Variants in DPP6 observed in about 807,000 individuals in gnomAD.
The protein encoded by DPP6 is A-type potassium channel modulatory protein DPP6.
A neutral mutation model predicts 122.6 loss-of-function variants in DPP6; 69 were observed. The observed-to-expected ratio is 0.56, with a 90% CI of 0.46 to 0.69. DPP6 has a LOEUF of 0.69. Ranked by LOEUF, DPP6 falls within the 30% of genes least tolerant of loss-of-function variation. The pLI, the probability that DPP6 is intolerant of heterozygous loss-of-function variation, is 0.00. For synonymous variants in DPP6, 418 were observed against 433.1 expected, an observed-to-expected ratio of 0.97 and a Z score of 0.43; for missense variants, 928 against 1,116.9, an observed-to-expected ratio of 0.83 and a Z score of 2.41.
chr7:154,060,429 G>A (rs1217666808), intron 1 of DPP6, among the ~76,000 whole-genome samples: 4 of 136,098 alleles, frequency 2.9e-5, no homozygotes, highest in Non-Finnish European at 4.7e-5. Context: ...CACCCCCCGC[G>A]AGGCGGGGAC....
At position 154,052,585 on chromosome 7, in the gene DPP6, G is replaced by C; in HGVS notation, c.-236G>C. The C allele has an allele frequency of 8.3e-7, 1 of 1,201,370 alleles. No homozygotes were observed. Among genetic ancestry groups the C allele is most frequent in the East Asian group, 4.3e-5 (1 of 23,040 alleles). The allele number at this position is 1,201,370 out of a possible 1,614,324, so 74.4% of individuals were successfully genotyped here. A position where few individuals can be genotyped will look rare whatever the true frequency, so the allele number is the denominator to read the frequency against. On this transcript the variant is annotated 5_prime_UTR_variant, in exon 1 of 26. Coordinates refer to ENST00000377770, the MANE Select transcript of DPP6 (RefSeq NM_130797.4). The surrounding 1 kb of genome is among the most constrained non-coding windows in gnomAD (Gnocchi z 4.8). ...AGCACAGCCAGAGCCCCGGCTTCGC[G>C]AGCCGCCGGGGAGGGGGCGGAGGAG...
chr7:154,553,690 A>G (rs954409813), intron 4 of DPP6, among the ~76,000 whole-genome samples: 1 of 152,184 alleles, frequency 6.6e-6, no homozygotes, highest in Non-Finnish European at 1.5e-5. Context: ...TCTAGACTGC[A>G]TACATAATCC....
At chr7:154,318,166 A>G (rs1478667326) in intron 1 of DPP6, among the ~76,000 whole-genome samples, 1 of 152,240 alleles carries the variant, frequency 6.6e-6, no homozygotes, top group African/African-American at 2.4e-5. Context: ...CTGTGAGGGA[A>G]TCCTCACTTC....
chr7:154,196,430 C>T (rs767894158), intron 1 of DPP6, among the ~76,000 whole-genome samples: 2 of 152,176 alleles, frequency 1.3e-5, no homozygotes, highest in African/African-American at 4.8e-5. Context: ...GTGGAGGTTG[C>T]AGTGAGCTGA....
intron 3 of DPP6, among the ~76,000 whole-genome samples, chr7:154,497,068 A>ACTAGT (rs531690417): frequency 6.6e-6 from 1 of 152,098 alleles, no homozygotes; most frequent in African/African-American, 2.4e-5. Context: ...CCCTCCCCCC[A>ACTAGT]TGAACCATTG....
the DPP6 span, among the ~76,000 whole-genome samples, chr7:153,808,145 G>C: frequency 3.3e-5 from 5 of 152,228 alleles, no homozygotes; most frequent in East Asian, 5.8e-4. Context: ...TGATCACCAC[G>C]ATCAAGCTAA....
chr7:153,871,018 C>G, the DPP6 span, among the ~76,000 whole-genome samples: 1 of 152,296 alleles, frequency 6.6e-6, no homozygotes, highest in South Asian at 2.1e-4. Context: ...GAAGTTTTGT[C>G]TCAGAGGAGT....
Position 154,044,842 on chromosome 7 carries a change from A to T in DPP6, c.51+157108A>T, listed in dbSNP as rs552850243. Among the ~76,000 whole-genome samples the T allele has an allele frequency of 2.6e-4, 40 of 152,330 alleles. No homozygotes were observed. The South Asian group carries it at 7.9e-3, about 30-fold the overall frequency. ...ATTTTTTTATTGCATTGAAAAAGCA[A>T]TGAGTCCAAACTAGAGGCACGGAAG... On this transcript the variant is annotated intron_variant, in intron 1 of 25. Transcript: ENST00000404039.
chr7:153,924,131 T>TA (rs1197751139), intron 1 of DPP6, among the ~76,000 whole-genome samples: 10,734 of 150,906 alleles, frequency 0.071, 402 homozygotes, highest in African/African-American at 0.088. Flanking sequence ...TTTTTTTTTT[T>TA]TTCGAGACGG....
chr7:153,837,682 T>A, the DPP6 span, among the ~76,000 whole-genome samples: 1 of 151,898 alleles, frequency 6.6e-6, no homozygotes, highest in Non-Finnish European at 1.5e-5. Flanking sequence ...TCTTTGTAGT[T>A]TTTTCTTTGT....
chr7:154,340,874 C>T (rs972651081), intron 1 of DPP6, among the ~76,000 whole-genome samples: 1 of 152,150 alleles, frequency 6.6e-6, no homozygotes, highest in African/African-American at 2.4e-5. Flanking sequence ...AACCCGTGTC[C>T]ACTACAGAAT....
chr7:153,893,836 G>A (rs934626718), intron 1 of DPP6, among the ~76,000 whole-genome samples: 1 of 152,196 alleles, frequency 6.6e-6, no homozygotes, highest in African/African-American at 2.4e-5. Context: ...GAAAGGAAAT[G>A]TTACTTACTG....
At chr7:153,826,833 T>C in the DPP6 span, among the ~76,000 whole-genome samples, 2 of 142,740 alleles carry the variant, frequency 1.4e-5, no homozygotes, top group African/African-American at 5.1e-5. Context: ...AAAATTATAT[T>C]CAGCAAATAT....
chr7:154,273,599 A>G (rs1030290001), intron 1 of DPP6, among the ~76,000 whole-genome samples: 4 of 152,200 alleles, frequency 2.6e-5, no homozygotes, highest in African/African-American at 9.7e-5. Flanking sequence ...CAGGAGAGAA[A>G]ACAATTCACG....
At chr7:154,778,521 GAAC>G (rs1256322192) in intron 10 of DPP6, among the ~76,000 whole-genome samples, 1 of 151,614 alleles carries the variant, frequency 6.6e-6, no homozygotes, top group Non-Finnish European at 1.5e-5. Flanking sequence ...AAACAGCACA[GAAC>G]AATAGAGTTC....
chr7:154,147,646 ATTTG>A (rs1459638511), intron 1 of DPP6, among the ~76,000 whole-genome samples: 3 of 76,310 alleles, frequency 3.9e-5, no homozygotes, highest in African/African-American at 1.7e-4. Flanking sequence ...TACCCAGCTA[ATTTG>A]TGTGTGTGTG....
intron 7 of DPP6, among the ~76,000 whole-genome samples, chr7:154,684,944 T>C (rs1839509381): frequency 2.0e-5 from 3 of 152,206 alleles, no homozygotes; most frequent in Non-Finnish European, 4.4e-5. Flanking sequence ...TGTTACTGCA[T>C]GACAAGATTA....
chr7:154,412,850 G>A (rs1010473845), intron 1 of DPP6, among the ~76,000 whole-genome samples: 1 of 152,196 alleles, frequency 6.6e-6, no homozygotes, highest in African/African-American at 2.4e-5. Context: ...GGGCACACAA[G>A]GCAGATGCCT....
intron 1 of DPP6, among the ~76,000 whole-genome samples, chr7:154,292,204 A>G (rs1805252567): frequency 6.6e-6 from 1 of 152,184 alleles, no homozygotes; most frequent in South Asian, 2.1e-4. Flanking sequence ...CACCACCGAC[A>G]AAGGATAAAA....
Sources: allele counts gnomAD v4.1 joint callset (sites outside exome capture counted in the v4.1 genomes callset), GRCh38; gene constraint gnomAD v4.1.1; non-coding constraint Gnocchi (gnomAD v3.1); transcripts MANE v1.5; gene names NCBI Gene and HGNC (gene_info 2026-07-23, HGNC 2026-07-21).